The following KRT75 variants were observed in gnomAD, a reference collection of about 807,000 sequenced individuals.
KRT75 encodes the protein keratin, type II cytoskeletal 75.
KRT75 carries 35 observed loss-of-function variants against 48.8 expected under a neutral mutation model. The ratio of observed to expected loss-of-function variants is 0.72; its 90% CI spans 0.55 to 0.95. The LOEUF (loss-of-function observed/expected upper bound fraction) is 0.95. Ranked by LOEUF, KRT75 falls within the 40% of genes least tolerant of loss-of-function variation. The pLI is 0.00. For synonymous variants in KRT75, 301 were observed against 282.3 expected (o/e 1.07, Z -0.66); for missense variants, 776 against 709.9 (o/e 1.09, Z -1.06).
At position 52,433,068 on chromosome 12, in the gene KRT75, A is replaced by G. The variant is rs541021838; in HGVS notation, c.683T>C (p.Met228Thr). 4 of 1,612,840 alleles carry G rather than the reference A, an allele frequency of 2.5e-6. No homozygotes were observed. Among genetic ancestry groups the G allele is most frequent in the Admixed American group, 1.7e-5 (1 of 59,780 alleles). ...TTTGAAATCTTCCACAACATCCTGC[A>G]TGTTCCTCAGTTCAGCTTCAAGCCT... ...RGRLEAELRNMQDVVEDFKVR... is the reference protein window; with the variant it reads ...RGRLEAELRNTQDVVEDFKVR... Residue 228 changes from methionine (M) to threonine (T), a missense_variant, in exon 2 of 9, where the codon ATG becomes ACG. Physicochemically the swap from Met to Thr is moderately conservative, Grantham distance 81. Coordinates refer to ENST00000252245, the MANE Select transcript of KRT75 (RefSeq NM_004693.3).
chr12:52,427,264 C>T lies in KRT75; in HGVS notation c.1383-413G>A, dbSNP rs934945653. ...CTTATTGTATATAGGTGTGGAGAGG[C>T]GTCTGAGTCATAAAAATAACAATAG... On this transcript the variant is annotated intron_variant, in intron 7 of 8. Transcript: ENST00000252245. Among the ~76,000 whole-genome samples the T allele has an allele frequency of 2.1e-4, 32 of 152,242 alleles. 1 individual carries two copies. Among genetic ancestry groups the T allele is most frequent in the African/African-American group, 7.2e-4 (30 of 41,534 alleles).
intron 5 of KRT75, among the ~76,000 whole-genome samples, chr12:52,429,489 T>G (rs3782486): frequency 2.0e-5 from 3 of 152,008 alleles, no homozygotes; most frequent in Non-Finnish European, 4.4e-5. Flanking sequence ...AACCTACACC[T>G]TTCCCTGACA....
chr12:52,426,886 A>C, intron 7 of KRT75, 35 bp from the exon 8 acceptor site: 1 of 1,608,614 alleles, frequency 6.2e-7, no homozygotes, highest in South Asian at 1.1e-5. Context: ...GAAGGTTACC[A>C]ATGTGGCCAG....
Position 52,430,667 on chromosome 12 carries a change from G to C in KRT75, c.909C>G (p.Ser303=), listed in dbSNP as rs1449988392. The change falls in exon 5 of 9, where the codon TCC becomes TCG. Residue 303 remains serine (S), a synonymous_variant. Coordinates refer to ENST00000252245, the MANE Select transcript of KRT75 (RefSeq NM_004693.3). Reference sequence around the variant, plus strand: ...GGTTGTTGTCCATGGACAGCACCACGGATGTGTCACCGACCTGGGTCTGCA... The same window carrying C: ...GGTTGTTGTCCATGGACAGCACCACCGATGTGTCACCGACCTGGGTCTGCA... ...SQLQTQVGDT[S]VVLSMDNNRN... is the part of the protein sequence containing the mutation. 1 of 1,614,034 alleles carries C rather than the reference G, an allele frequency of 6.2e-7. No individual in the cohort carries two copies. Among genetic ancestry groups the C allele is most frequent in the African/African-American group, 1.3e-5 (1 of 74,932 alleles).
intron 5 of KRT75, among the ~76,000 whole-genome samples, chr12:52,429,138 G>A (rs1443928408): frequency 6.6e-6 from 1 of 152,156 alleles, no homozygotes; most frequent in South Asian, 2.1e-4. Flanking sequence ...AAAGGAAACA[G>A]CCTGCATGAA....
At position 52,431,538 on chromosome 12, in the gene KRT75, C is replaced by T. The variant is rs1481213411; in HGVS notation, c.870+5G>A. The T allele has an allele frequency of 1.3e-6, 2 of 1,592,226 alleles. No homozygotes were observed. The highest frequency in any genetic ancestry group is 2.2e-5 in the South Asian group (2 of 90,714). On this transcript the variant is annotated splice_donor_5th_base_variant and intron_variant, in intron 4 of 8. Transcript: ENST00000252245. ...GGAGAGACAGAAATACTTGCAGACT[C>T]TTACTGCATCAAAGACTGAGTGGAT...
rs765047661 is a variant in KRT75, at chr12:52,433,900, G to A, written c.405C>T (p.His135=). 4 of 1,614,186 alleles carry A rather than the reference G, an allele frequency of 2.5e-6. No individual in the cohort carries two copies. Among genetic ancestry groups the A allele is most frequent in the Non-Finnish European group, 2.5e-6 (3 of 1,180,030 alleles). Residue 135 remains histidine, a synonymous_variant, in exon 1 of 9, where the codon CAC becomes CAT. Coordinates refer to ENST00000252245, the MANE Select transcript of KRT75 (RefSeq NM_004693.3). ...GCTGGATGGTGGGGTCGATTTGCAG[G>A]TGAAGAGGAGTCAGGAGACTCTGGT... is the stretch of plus-strand genomic sequence containing the variant. ...TVNQSLLTPL[H]LQIDPTIQRV... is the part of the protein sequence containing the mutation.
intron 5 of KRT75, among the ~76,000 whole-genome samples, chr12:52,428,954 C>G (rs571219165): frequency 6.6e-6 from 1 of 152,242 alleles, no homozygotes; most frequent in South Asian, 2.1e-4. Context: ...AGATAAGTGC[C>G]CTTAGGAAAT....
At chr12:52,424,940 G>A (rs1436257049) in intron 8 of KRT75, among the ~76,000 whole-genome samples, 185 bp from the exon 9 acceptor site, 1 of 152,160 alleles carries the variant, frequency 6.6e-6, no homozygotes, top group Non-Finnish European at 1.5e-5. Flanking sequence ...GCAGCTCCAG[G>A]CAGCCTCTTA....
chr12:52,432,240 T>C (rs1193957991), intron 2 of KRT75, among the ~76,000 whole-genome samples, 174 bp from the exon 3 acceptor site: 1 of 152,228 alleles, frequency 6.6e-6, no homozygotes, highest in Non-Finnish European at 1.5e-5. Context: ...AGGGGGATAA[T>C]TTCTTCTGCT....
At chr12:52,431,129 G>A (rs192954645) in intron 4 of KRT75, among the ~76,000 whole-genome samples, 228 of 151,036 alleles carry the variant, frequency 1.5e-3, no homozygotes, top group African/African-American at 5.2e-3. Context: ...GAGGGGTAGC[G>A]CCCAGAATGA....
intron 1 of KRT75, 49 bp downstream of exon 1, chr12:52,433,758 G>A: frequency 1.2e-6 from 2 of 1,613,342 alleles, no homozygotes; most frequent in Middle Eastern, 1.7e-4. Flanking sequence ...GCCCTTCCAA[G>A]AGTTTATTTG....
rs942405260 is a variant in KRT75 at position 52,424,195 on chromosome 12, G to C, written c.*322C>G. Reference sequence around the variant, plus strand: ...CAACCTGGCATTGAGAGACTCCCCAGCCTCTGCATCTGGAGGGAGGGAGGG... The same window carrying C: ...CAACCTGGCATTGAGAGACTCCCCACCCTCTGCATCTGGAGGGAGGGAGGG... On this transcript the variant is annotated 3_prime_UTR_variant, in exon 9 of 9. Transcript: ENST00000252245. 7 of 440,568 alleles carry C rather than the reference G, an allele frequency of 1.6e-5. No individual in the cohort carries two copies. The highest frequency in any genetic ancestry group is 1.5e-4 in the South Asian group (7 of 46,766). The allele number at this position is 440,568 out of a possible 1,614,324, so 27.3% of individuals were successfully genotyped here. A position where few individuals can be genotyped will look rare whatever the true frequency, so the allele number is the denominator to read the frequency against.
rs760906564 is a variant in KRT75 at position 52,433,994 on chromosome 12, A to G, written c.311T>C (p.Val104Ala). Residue 104 changes from valine (V) to alanine (A), a missense_variant, in exon 1 of 9, where the codon GTT (valine) becomes GCT (alanine). Val to Ala is a moderately conservative substitution (Grantham distance 64). Transcript: ENST00000252245. ...GCTGGGGCCACTGAAGCCTCCTCCA[A>G]CTCCACCCCCATAGCCAAATCCACT... ...VNSGFGYGGG[V>A]GGGFSGPSFP... is the part of the protein sequence containing the mutation. 6 of 1,613,324 alleles carry G rather than the reference A, an allele frequency of 3.7e-6. No individual in the cohort carries two copies. The African/African-American group carries it at 4.0e-5, about 11-fold the overall frequency.
chr12:52,430,542 T>C lies in KRT75; in HGVS notation c.1034A>G (p.Lys345Arg). Residue 345 changes from lysine to arginine, a missense_variant and splice_region_variant, in exon 5 of 9, where the codon AAG (lysine) becomes AGG (arginine). Physicochemically the swap from Lys to Arg is conservative, Grantham distance 26. Coordinates refer to ENST00000252245, the MANE Select transcript of KRT75 (RefSeq NM_004693.3). ...TCTCATGGAGGTGTCCATGCTCACC[T>C]TGGTCTGGTACCAGGACTCAGCCTC... ...RAEAESWYQT[K>R]YEELQVTAGR... 6.2e-7 allele frequency: 1 copy of C among 1,614,132 alleles called. No homozygotes were observed. The highest frequency in any genetic ancestry group is 8.5e-7 in the Non-Finnish European group (1 of 1,179,952).
At position 52,434,221 on chromosome 12, in the gene KRT75, G is replaced by T; in HGVS notation, c.84C>A (p.Gly28=). Residue 28 remains glycine, a synonymous_variant, in exon 1 of 9, where the codon GGC becomes GGA. Transcript: ENST00000252245. ...CAGAGACAGAGCTGAAGCGGGAGCG[G>T]CCAGCTGCCGGGGTGATGGCCGAGG... ...STTSAITPAA[G]RSRFSSVSVA... 6.3e-7 allele frequency: 1 copy of T among 1,595,354 alleles called. No homozygotes were observed.
chr12:52,424,418 G>T lies in KRT75; in HGVS notation c.*99C>A. On this transcript the variant is annotated 3_prime_UTR_variant, in exon 9 of 9. Transcript: ENST00000252245. ...AGTACTCCAGGCTCCCAGCAGCACA[G>T]GTGCACCTTACAAGGAGAGAGGAAG... The T allele has an allele frequency of 8.9e-7, 1 of 1,123,506 alleles. No individual in the cohort carries two copies. Among genetic ancestry groups the T allele is most frequent in the African/African-American group, 1.5e-5 (1 of 65,666 alleles). 69.6% of individuals were successfully genotyped at this position (1,123,506 alleles called of 1,614,324 possible).
chr12:52,428,415 T>G lies in KRT75; in HGVS notation c.1223A>C (p.Asp408Ala). The G allele has an allele frequency of 1.2e-6, 2 of 1,614,130 alleles. 1 individual carries two copies. Among genetic ancestry groups the G allele is most frequent in the South Asian group, 2.2e-5 (2 of 91,074 alleles). ...AAGGTCCACCAGCTTGGCCCGTGCA[T>G]CCTTGAGAGCCAGTTCTCCCCGCTG... ...AEQRGELALK[D>A]ARAKLVDLEE... is the part of the protein sequence containing the mutation. Residue 408 changes from aspartate to alanine, a missense_variant, in exon 7 of 9, where the codon GAT becomes GCT. By Grantham distance (126) the Asp-to-Ala change is moderately radical. Coordinates refer to ENST00000252245, the MANE Select transcript of KRT75 (RefSeq NM_004693.3).
chr12:52,433,962 C>T lies in KRT75; in HGVS notation c.343G>A (p.Val115Met), dbSNP rs748576441. ...GGGFSGPSFP[V>M]CPPGGIQEVT... is the part of the protein sequence containing the mutation. ...TCTTGGATGCCTCCAGGGGGACACACGGGGAAGCTGGGGCCACTGAAGCCT... is the reference window on the plus strand; with the variant it reads ...TCTTGGATGCCTCCAGGGGGACACATGGGGAAGCTGGGGCCACTGAAGCCT... The change falls in exon 1 of 9, where the codon GTG becomes ATG. Residue 115 changes from valine to methionine, a missense_variant. By Grantham distance (21) the Val-to-Met change is conservative. Coordinates refer to ENST00000252245, the MANE Select transcript of KRT75 (RefSeq NM_004693.3). The T allele has an allele frequency of 6.2e-6, 10 of 1,614,006 alleles. No individual in the cohort carries two copies. Among genetic ancestry groups the T allele is most frequent in the Admixed American group, 3.3e-5 (2 of 60,008 alleles).
Sources: gnomAD v4.1 joint callset for allele counts (sites outside exome capture counted in the v4.1 genomes callset) on GRCh38, gnomAD v4.1.1 for gene constraint, MANE v1.5 for transcripts, NCBI Gene and HGNC (gene_info 2026-07-23, HGNC 2026-07-21) for gene names.